Variants in NEK1 observed in about 807,000 individuals in gnomAD.
NEK1 encodes the protein serine/threonine-protein kinase Nek1.
Under a neutral mutation model 182.1 loss-of-function variants are expected in NEK1, and 137 were observed. That is an observed-to-expected ratio of 0.75 (90% CI 0.65 to 0.87). NEK1 has a LOEUF of 0.87. Among genes scored for constraint, NEK1 ranks in the 40% least tolerant of loss-of-function variants. The probability of loss-of-function intolerance (pLI) is 0.00; values close to 1 mark genes in which losing one functional copy is unlikely to be tolerated. For synonymous variants in NEK1, 513 were observed against 492.2 expected (o/e 1.04, Z -0.56); for missense variants, 1,391 against 1,494.4 (o/e 0.93, Z 1.14).
chr4:169,483,865 CAAAA>C (rs376726833), intron 23 of NEK1, among the ~76,000 whole-genome samples: 12,210 of 117,234 alleles, frequency 0.1, 634 homozygotes, highest in African/African-American at 0.19. Context: ...GACTCTGTCT[CAAAA>C]AAAAAAAAAA....
chr4:169,461,358 G>T (rs78870408), intron 27 of NEK1, among the ~76,000 whole-genome samples: 2 of 151,734 alleles, frequency 1.3e-5, no homozygotes, highest in African/African-American at 4.8e-5. Context: ...TACCTAAAAG[G>T]GCCATATATA....
At chr4:169,455,043 T>C (rs1443228331) in intron 27 of NEK1, among the ~76,000 whole-genome samples, 1 of 152,108 alleles carries the variant, frequency 6.6e-6, no homozygotes, top group Non-Finnish European at 1.5e-5. Context: ...TGGATGAAGC[T>C]GGAAACCATC....
intron 26 of NEK1, among the ~76,000 whole-genome samples, chr4:169,469,727 C>T (rs1467712912): frequency 6.6e-6 from 1 of 152,090 alleles, no homozygotes; most frequent in Non-Finnish European, 1.5e-5. Context: ...GGTGTTAAAT[C>T]TCCCACTATT....
At chr4:169,569,261 T>C (rs1437105196) in intron 12 of NEK1, among the ~76,000 whole-genome samples, 1 of 152,210 alleles carries the variant, frequency 6.6e-6, no homozygotes, top group Admixed American at 6.5e-5. Context: ...CTGAAGTAGT[T>C]TTTTTACATT....
chr4:169,590,404 C>A (rs79607756), intron 6 of NEK1, among the ~76,000 whole-genome samples: 1,909 of 151,952 alleles, frequency 0.013, 33 homozygotes, highest in African/African-American at 0.043. Flanking sequence ...CCAGAATAGG[C>A]CAATCCACAC....
At chr4:169,581,391 C>CT (rs1288010379) in intron 10 of NEK1, among the ~76,000 whole-genome samples, 1 of 151,988 alleles carries the variant, frequency 6.6e-6, no homozygotes, top group African/African-American at 2.4e-5. Flanking sequence ...TCTCAGCCTC[C>CT]TATTAGTTGG....
intron 27 of NEK1, among the ~76,000 whole-genome samples, chr4:169,442,836 C>A (rs1739742126): frequency 6.6e-6 from 1 of 152,130 alleles, no homozygotes; most frequent in African/African-American, 2.4e-5. Context: ...GAGTTGGAGA[C>A]CAGCCTGGGC....
intron 12 of NEK1, among the ~76,000 whole-genome samples, chr4:169,573,599 G>A (rs1026495716): frequency 3.3e-5 from 5 of 152,080 alleles, no homozygotes; most frequent in Non-Finnish European, 7.4e-5. Flanking sequence ...AAATGAATAT[G>A]GAATTTAAGC....
intron 27 of NEK1, among the ~76,000 whole-genome samples, chr4:169,458,417 C>A (rs1030197156): frequency 1.3e-5 from 2 of 152,048 alleles, no homozygotes; most frequent in Non-Finnish European, 2.9e-5. Context: ...CCAAATAAAT[C>A]ACATAACTAA....
chr4:169,544,606 T>G (rs1242988485), intron 18 of NEK1, among the ~76,000 whole-genome samples: 1 of 142,714 alleles, frequency 7.0e-6, no homozygotes, highest in South Asian at 2.3e-4. Flanking sequence ...ATGGTTTTTT[T>G]TTTTTTTTTT....
intron 12 of NEK1, among the ~76,000 whole-genome samples, chr4:169,565,334 A>T (rs1369661543): frequency 2.6e-5 from 4 of 152,190 alleles, no homozygotes; most frequent in African/African-American, 9.7e-5. Flanking sequence ...CACTTGAAAC[A>T]AACAAACAAA....
intron 26 of NEK1, among the ~76,000 whole-genome samples, chr4:169,471,175 T>A (rs553769682): frequency 6.6e-6 from 1 of 152,096 alleles, no homozygotes; most frequent in Non-Finnish European, 1.5e-5. Flanking sequence ...TGGCAAGGAG[T>A]TGTGATACTT....
intron 10 of NEK1, among the ~76,000 whole-genome samples, chr4:169,582,752 T>G (rs933799908): frequency 1.3e-5 from 2 of 152,180 alleles, no homozygotes; most frequent in Admixed American, 1.3e-4. Flanking sequence ...ACTAGCCACA[T>G]GCGCCTATTT....
intron 5 of NEK1, among the ~76,000 whole-genome samples, chr4:169,597,906 C>G (rs1769830853): frequency 6.6e-6 from 1 of 151,748 alleles, no homozygotes; most frequent in African/African-American, 2.4e-5. Flanking sequence ...TCCACTCGAG[C>G]CTGGGTGACA....
chr4:169,498,915 G>A (rs559611661), intron 23 of NEK1, among the ~76,000 whole-genome samples: 1 of 152,216 alleles, frequency 6.6e-6, no homozygotes, highest in East Asian at 1.9e-4. Flanking sequence ...GTATCTTTGT[G>A]GCATTCTCTG....
chr4:169,426,900 C>T (rs1736496016), intron 29 of NEK1, among the ~76,000 whole-genome samples: 1 of 151,510 alleles, frequency 6.6e-6, no homozygotes, highest in Non-Finnish European at 1.5e-5. Flanking sequence ...TTTTAACCCT[C>T]AAAGGGAGGG....
At chr4:169,566,711 G>A (rs769857764) in intron 12 of NEK1, among the ~76,000 whole-genome samples, 2 of 152,196 alleles carry the variant, frequency 1.3e-5, no homozygotes, top group East Asian at 1.9e-4. Context: ...TTTCAGGCTT[G>A]AAGTTAAAAA....
intron 18 of NEK1, among the ~76,000 whole-genome samples, chr4:169,539,739 T>C (rs1759097556): frequency 6.6e-6 from 1 of 152,164 alleles, no homozygotes; most frequent in Non-Finnish European, 1.5e-5. Flanking sequence ...TGGTTACAGA[T>C]AAGGCACTTT....
chr4:169,563,012 G>T (rs1763152592), intron 12 of NEK1, among the ~76,000 whole-genome samples: 1 of 151,834 alleles, frequency 6.6e-6, no homozygotes, highest in Non-Finnish European at 1.5e-5. Context: ...TATTAATTTT[G>T]ATTCCTTTCT....
Sources: gnomAD v4.1 joint callset for allele counts (sites outside exome capture counted in the v4.1 genomes callset) on GRCh38, gnomAD v4.1.1 for gene constraint, MANE v1.5 for transcripts, NCBI Gene and HGNC (gene_info 2026-07-23, HGNC 2026-07-21) for gene names.